PAPPA2: variants seen among roughly 807,000 people sequenced by gnomAD.
PAPPA2 encodes the protein pappalysin 2.
Under a neutral mutation model 176.4 loss-of-function variants are expected in PAPPA2, and 86 were observed. That is an observed-to-expected ratio of 0.49 (90% CI 0.41 to 0.58). The LOEUF (loss-of-function observed/expected upper bound fraction) is 0.58, where lower values mean the gene tolerates loss of function less well. Ranked by LOEUF, PAPPA2 falls within the 20% of genes least tolerant of loss-of-function variation. The pLI is 0.00. For missense variants in PAPPA2, 2,073 were observed against 2,256.9 expected (o/e 0.92, Z 1.65); for synonymous variants, 809 against 852.2 (o/e 0.95, Z 0.88).
intron 12 of PAPPA2, among the ~76,000 whole-genome samples, chr1:176,722,398 T>C (rs768902206): frequency 1.3e-5 from 2 of 151,064 alleles, no homozygotes; most frequent in African/African-American, 2.4e-5. Flanking sequence ...AGCTTGTGCT[T>C]TGTGAGCCTT....
intron 12 of PAPPA2, among the ~76,000 whole-genome samples, chr1:176,716,037 C>CA (rs922524490): frequency 3.3e-5 from 5 of 151,148 alleles, no homozygotes; most frequent in African/African-American, 9.7e-5. Context: ...GGTTAACCTT[C>CA]AAAAAATCTA....
chr1:176,518,330 C>G (rs1649027571), intron 1 of PAPPA2, among the ~76,000 whole-genome samples: 1 of 151,994 alleles, frequency 6.6e-6, no homozygotes, highest in Non-Finnish European at 1.5e-5. Flanking sequence ...ATCCACGTCC[C>G]AAGCCAGAAT....
chr1:176,663,864 A>G lies in PAPPA2; in HGVS notation c.1992-7106A>G, dbSNP rs186825001. On this transcript the variant is annotated intron_variant, in intron 3 of 22. Coordinates refer to ENST00000367662, the MANE Select transcript of PAPPA2 (RefSeq NM_020318.3). ...ACTACACTTTTCTTTTGTGTGCTTT[A>G]TATTTTGTCTTTCTAAGTATCTGTA... Among the ~76,000 whole-genome samples, 3 of 152,174 alleles carry G rather than the reference A, an allele frequency of 2.0e-5. No individual in the cohort carries two copies. In the East Asian group the frequency reaches 5.8e-4, roughly 29 times the overall value.
intron 2 of PAPPA2, among the ~76,000 whole-genome samples, chr1:176,582,193 T>C (rs1168412836): frequency 2.0e-5 from 3 of 151,968 alleles, no homozygotes; most frequent in Admixed American, 1.3e-4. Flanking sequence ...TCCCAAAGTG[T>C]TGGGATTGCA....
intron 21 of PAPPA2, among the ~76,000 whole-genome samples, chr1:176,805,567 G>A (rs1343019924): frequency 6.6e-6 from 1 of 152,104 alleles, no homozygotes; most frequent in East Asian, 1.9e-4. Context: ...GTGAGAATCA[G>A]GTGAAATAAC....
intron 3 of PAPPA2, among the ~76,000 whole-genome samples, chr1:176,657,162 G>C (rs369352968): frequency 6.6e-6 from 1 of 152,030 alleles, no homozygotes; most frequent in African/African-American, 2.4e-5. Flanking sequence ...AAAAGCACCA[G>C]ACCAGGATTT....
At chr1:176,571,805 A>G (rs1652352153) in intron 2 of PAPPA2, among the ~76,000 whole-genome samples, 4 of 152,252 alleles carry the variant, frequency 2.6e-5, no homozygotes, top group Admixed American at 2.6e-4. Flanking sequence ...AGATAGAGTT[A>G]TGTGATTACA....
chr1:176,770,843 C>T (rs1216425898), intron 16 of PAPPA2, 124 bp from the exon 17 acceptor site: 3 of 862,150 alleles, frequency 3.5e-6, no homozygotes, highest in Admixed American at 5.2e-5. Flanking sequence ...AGATGCTACT[C>T]AAGAAAGAAT....
chr1:176,553,296 C>T (rs1651074733), intron 1 of PAPPA2, among the ~76,000 whole-genome samples: 1 of 148,498 alleles, frequency 6.7e-6, no homozygotes, highest in African/African-American at 2.5e-5. Flanking sequence ...GGAGGGGGCA[C>T]CTTCTAGTAG....
At position 176,699,494 on chromosome 1, in the gene PAPPA2, C is replaced by T. The variant is rs1413255481; in HGVS notation, c.3141C>T (p.Gly1047=). The change falls in exon 8 of 23, where the codon GGC becomes GGT. Residue 1047 remains glycine, a synonymous_variant. Coordinates refer to ENST00000367662, the MANE Select transcript of PAPPA2 (RefSeq NM_020318.3). ...TSQPHSPLCS[G]CRPVRYQVLR... ...AGCCCCACAGTCCCTTGTGCTCTGGCTGCAGGCCTGTGAGGTACCAGGTTC... is the reference window on the plus strand; with the variant it reads ...AGCCCCACAGTCCCTTGTGCTCTGGTTGCAGGCCTGTGAGGTACCAGGTTC... The T allele has an allele frequency of 1.9e-6, 3 of 1,614,128 alleles. No individual in the cohort carries two copies. The South Asian group carries it at 3.3e-5, about 18-fold the overall frequency.
Position 176,844,369 on chromosome 1 carries a change from T to C in PAPPA2, c.*1915T>C, listed in dbSNP as rs1667589720. On this transcript the variant is annotated 3_prime_UTR_variant, in exon 23 of 23. Transcript: ENST00000367662. ...ACAATGATAGAAATATTATCCACACTATCACGTAGGGAAGAACAATATCCT... is the reference window on the plus strand; with the variant it reads ...ACAATGATAGAAATATTATCCACACCATCACGTAGGGAAGAACAATATCCT... 6.6e-6 allele frequency: 1 copy of C among 152,106 alleles called. No homozygotes were observed. The highest frequency in any genetic ancestry group is 1.9e-4 in the East Asian group (1 of 5,180). The allele number at this position is 152,106 out of a possible 1,614,324, so 9.4% of individuals were successfully genotyped here. A position where few individuals can be genotyped will look rare whatever the true frequency, so the allele number is the denominator to read the frequency against.
chr1:176,589,355 A>T (rs1331368848), intron 2 of PAPPA2, among the ~76,000 whole-genome samples: 3 of 152,222 alleles, frequency 2.0e-5, no homozygotes, highest in African/African-American at 7.2e-5. Context: ...TGCTCTGTTA[A>T]GATACACATG....
chr1:176,754,571 GC>G, intron 14 of PAPPA2, among the ~76,000 whole-genome samples: 1 of 152,342 alleles, frequency 6.6e-6, no homozygotes, highest in Admixed American at 6.5e-5. Flanking sequence ...TCAAAAATAA[GC>G]CCCATGGCCC....
chr1:176,838,820 A>C (rs895299969), intron 21 of PAPPA2, among the ~76,000 whole-genome samples: 6 of 152,198 alleles, frequency 3.9e-5, no homozygotes, highest in African/African-American at 1.4e-4. Flanking sequence ...GCAGCTGTTG[A>C]GTTCCACCCC....
At position 176,690,152 on chromosome 1, in the gene PAPPA2, G is replaced by C. The variant is rs558600806; in HGVS notation, c.2153G>C (p.Ser718Thr). 6.2e-7 allele frequency: 1 copy of C among 1,611,218 alleles called. No homozygotes were observed. Among genetic ancestry groups the C allele is most frequent in the Admixed American group, 1.7e-5 (1 of 59,986 alleles). Residue 718 changes from serine (S) to threonine (T), a missense_variant, in exon 5 of 23, where the codon AGC (serine) becomes ACC (threonine). By Grantham distance (58) the Ser-to-Thr change is moderately conservative. Coordinates refer to ENST00000367662, the MANE Select transcript of PAPPA2 (RefSeq NM_020318.3). ...TTCATTGCAGGTGGCATTGTCCTCA[G>C]CCCAGCATATTATGGGATGCCTGGC... ...AVTHLGGIVL[S>T]PAYYGMPGHT...
At chr1:176,660,675 T>C (rs1658313738) in intron 3 of PAPPA2, among the ~76,000 whole-genome samples, 1 of 152,112 alleles carries the variant, frequency 6.6e-6, no homozygotes, top group Admixed American at 6.6e-5. Flanking sequence ...CAATATCCTG[T>C]TGAATCAAGG....
intron 17 of PAPPA2, among the ~76,000 whole-genome samples, chr1:176,783,651 G>A (rs6685932): frequency 0.41 from 61,761 of 151,852 alleles, 13,971 homozygotes; most frequent in African/African-American, 0.6. Context: ...CCGACTCCTC[G>A]TGATACCATT....
chr1:176,538,085 T>C (rs1356232609), intron 1 of PAPPA2, among the ~76,000 whole-genome samples: 1 of 152,150 alleles, frequency 6.6e-6, no homozygotes, highest in Non-Finnish European at 1.5e-5. Flanking sequence ...CTCAATATAG[T>C]AATCCAGAGT....
intron 12 of PAPPA2, among the ~76,000 whole-genome samples, chr1:176,715,085 C>T (rs1661308263): frequency 6.6e-6 from 1 of 152,150 alleles, no homozygotes; most frequent in Non-Finnish European, 1.5e-5. Context: ...CTCTGCCTCA[C>T]TTAATGGATT....
Sources: gnomAD v4.1 joint callset for allele counts (sites outside exome capture counted in the v4.1 genomes callset) on GRCh38, gnomAD v4.1.1 for gene constraint, MANE v1.5 for transcripts, NCBI Gene and HGNC (gene_info 2026-07-23, HGNC 2026-07-21) for gene names.